The following PARD6B variants were observed in gnomAD, a reference collection of about 807,000 sequenced individuals.
The protein encoded by PARD6B is partitioning defective 6 homolog beta.
In PARD6B, 4 loss-of-function variants were observed where a neutral mutation model predicts 10.5. The ratio of observed to expected loss-of-function variants is 0.38; its 90% CI spans 0.19 to 0.87. The LOEUF (loss-of-function observed/expected upper bound fraction) is 0.87. Ranked by LOEUF, PARD6B falls within the 40% of genes least tolerant of loss-of-function variation. The probability of loss-of-function intolerance (pLI) is 0.41; values close to 1 mark genes in which losing one functional copy is unlikely to be tolerated. For missense variants in PARD6B, 396 were observed against 470.6 expected, an observed-to-expected ratio of 0.84 and a Z score of 1.47; for synonymous variants, 169 against 170.4, an observed-to-expected ratio of 0.99 and a Z score of 0.07.
intron 2 of PARD6B, among the ~76,000 whole-genome samples, chr20:50,742,508 A>G (rs1225982417): frequency 1.3e-5 from 2 of 151,502 alleles, no homozygotes; most frequent in Non-Finnish European, 2.9e-5. Context: ...TGGGACTACA[A>G]GCGTGTGCTA....
chr20:50,737,161 C>A (rs1279294710), intron 1 of PARD6B, among the ~76,000 whole-genome samples: 1 of 152,120 alleles, frequency 6.6e-6, no homozygotes, highest in East Asian at 1.9e-4. Flanking sequence ...CTCTTAATAC[C>A]TCCCTGAAGT....
At chr20:50,736,161 A>G (rs548505934) in intron 1 of PARD6B, among the ~76,000 whole-genome samples, 1 of 152,300 alleles carries the variant, frequency 6.6e-6, no homozygotes, top group South Asian at 2.1e-4. Flanking sequence ...GTGAGTTTTG[A>G]TGTTAAAACC....
intron 2 of PARD6B, among the ~76,000 whole-genome samples, chr20:50,747,522 C>A (rs1156466941): frequency 5.3e-5 from 6 of 112,318 alleles, no homozygotes; most frequent in Admixed American, 5.1e-4. Flanking sequence ...TGCCTAGCCA[C>A]TGGAAAACCA....
At chr20:50,739,192 A>G (rs1600815578) in intron 2 of PARD6B, among the ~76,000 whole-genome samples, 1 of 152,214 alleles carries the variant, frequency 6.6e-6, no homozygotes, top group Non-Finnish European at 1.5e-5. Context: ...CACGTGTGTA[A>G]TCCCAGCACT....
chr20:50,751,736 T>TTTTC lies in PARD6B; in HGVS notation c.*1251_*1252insCTTT, dbSNP rs2087611914. On this transcript the variant is annotated 3_prime_UTR_variant, in exon 3 of 3. Coordinates refer to ENST00000371610, the MANE Select transcript of PARD6B (RefSeq NM_032521.3). ...AAGCTGAGGAAGCTTTTTTTTTTTTTTTTTGAGACAGAGTCTCTGTCACCC... is the reference window on the plus strand; with the variant it reads ...AAGCTGAGGAAGCTTTTTTTTTTTTTTTTCTTTTGAGACAGAGTCTCTGTCACCC... 1.0e-6 allele frequency: 1 copy of TTTTC among 983,510 alleles called. No homozygotes were observed. Among genetic ancestry groups the TTTTC allele is most frequent in the African/African-American group, 1.8e-5 (1 of 56,688 alleles). 60.9% of individuals were successfully genotyped at this position (983,510 alleles called of 1,614,324 possible).
At chr20:50,747,489 CTTTTTTTTTTTTT>C (rs58629233) in intron 2 of PARD6B, among the ~76,000 whole-genome samples, 3 of 33,356 alleles carry the variant, frequency 9.0e-5, no homozygotes, top group Admixed American at 5.0e-4. Flanking sequence ...TTCTTTCTTT[CTTTTTTTTTTTTT>C]TTTTTTTTTT....
Position 50,731,586 on chromosome 20 carries a change from A to C in PARD6B, c.-201A>C, listed in dbSNP as rs2087470779. 4 of 441,908 alleles carry C rather than the reference A, an allele frequency of 9.1e-6. No homozygotes were observed. In the South Asian group the frequency reaches 1.8e-4, roughly 19 times the overall value. 27.4% of individuals were successfully genotyped at this position (441,908 alleles called of 1,614,324 possible). A position where few individuals can be genotyped will look rare whatever the true frequency, so the allele number is the denominator to read the frequency against. On this transcript the variant is annotated 5_prime_UTR_variant, in exon 1 of 3. Coordinates refer to ENST00000371610, the MANE Select transcript of PARD6B (RefSeq NM_032521.3). Reference sequence around the variant, plus strand: ...CCCCGCCTGCCGCGCCACCAGTCCGACCCTCGGTCCCGCCGTGTGAGCAGC... The same window carrying C: ...CCCCGCCTGCCGCGCCACCAGTCCGCCCCTCGGTCCCGCCGTGTGAGCAGC...
chr20:50,737,919 T>C lies in PARD6B; in HGVS notation c.129T>C (p.Phe43=), dbSNP rs1431140882. The change falls in exon 2 of 3, where the codon TTT becomes TTC. Residue 43 remains phenylalanine (F), a synonymous_variant. Coordinates refer to ENST00000371610, the MANE Select transcript of PARD6B (RefSeq NM_032521.3). ...ERSKPGKFEE[F]YGLLQHVHKI... Reference sequence around the variant, plus strand: ...CAAAACCTGGAAAATTTGAGGAGTTTTATGGATTACTACAACATGTTCATA... The same window carrying C: ...CAAAACCTGGAAAATTTGAGGAGTTCTATGGATTACTACAACATGTTCATA... The C allele has an allele frequency of 6.2e-7, 1 of 1,612,772 alleles. No homozygotes were observed. The highest frequency in any genetic ancestry group is 1.7e-5 in the Admixed American group (1 of 59,706).
intron 2 of PARD6B, among the ~76,000 whole-genome samples, chr20:50,743,782 G>A (rs977199402): frequency 3.3e-5 from 5 of 151,744 alleles, no homozygotes; most frequent in African/African-American, 4.8e-5. Flanking sequence ...CCAGCTACTC[G>A]GAAGGCTGAG....
chr20:50,753,130 G>T lies in PARD6B; in HGVS notation c.*2642G>T, dbSNP rs1331445208. 5 of 984,500 alleles carry T rather than the reference G, an allele frequency of 5.1e-6. No individual in the cohort carries two copies. The highest frequency in any genetic ancestry group is 6.0e-6 in the Non-Finnish European group (5 of 829,250). The allele number at this position is 984,500 out of a possible 1,614,324, so 61.0% of individuals were successfully genotyped here. On this transcript the variant is annotated 3_prime_UTR_variant, in exon 3 of 3. Transcript: ENST00000371610. Reference sequence around the variant, plus strand: ...CTTTTGGGGGAAAAACTACTTCAGGGCTTGACTTTTTGTACAAATTTTAAC... The same window carrying T: ...CTTTTGGGGGAAAAACTACTTCAGGTCTTGACTTTTTGTACAAATTTTAAC...
chr20:50,732,890 G>T (rs1204062927), intron 1 of PARD6B, among the ~76,000 whole-genome samples: 2 of 139,290 alleles, frequency 1.4e-5, no homozygotes, highest in Non-Finnish European at 3.1e-5. Flanking sequence ...GGAGAAAATT[G>T]AAAGTATATC....
In PARD6B at chr20:50,743,249, C is replaced by T. The variant is rs1249621733; in HGVS notation, c.289+5170C>T. On this transcript the variant is annotated intron_variant, in intron 2 of 2. Coordinates refer to ENST00000371610, the MANE Select transcript of PARD6B (RefSeq NM_032521.3). ...GATGTGCTACAGAACAGACCCCTCT[C>T]CAGATCTAGTCAGAATCTCTACATC... Among the ~76,000 whole-genome samples the T allele has an allele frequency of 2.0e-5, 3 of 152,336 alleles. No homozygotes were observed. In the South Asian group the frequency reaches 6.2e-4, roughly 32 times the overall value.
At chr20:50,742,283 A>G (rs1310443920) in intron 2 of PARD6B, among the ~76,000 whole-genome samples, 2 of 152,104 alleles carry the variant, frequency 1.3e-5, no homozygotes, top group Non-Finnish European at 2.9e-5. Flanking sequence ...ACCTCAAGTG[A>G]TCCGCCCACC....
rs941020659 is a variant in PARD6B, at chr20:50,752,990, T to G, written c.*2502T>G. The G allele has an allele frequency of 2.0e-6, 2 of 984,036 alleles. No individual in the cohort carries two copies. The highest frequency in any genetic ancestry group is 3.5e-5 in the African/African-American group (2 of 57,154). The allele number at this position is 984,036 out of a possible 1,614,324, so 61.0% of individuals were successfully genotyped here. ...CTTGAATGGCAAAATAATGTTAGTA[T>G]GTAGAAGGTTAACTTTCATTTATAA... is the stretch of plus-strand genomic sequence containing the variant. On this transcript the variant is annotated 3_prime_UTR_variant, in exon 3 of 3. Coordinates refer to ENST00000371610, the MANE Select transcript of PARD6B (RefSeq NM_032521.3).
chr20:50,751,603 C>G lies in PARD6B; in HGVS notation c.*1115C>G. Reference sequence around the variant, plus strand: ...CCTCCTGATCCGCCCGCCTCGGCCTCCCAAAGTGCTGGGATTACAGGCGTG... The same window carrying G: ...CCTCCTGATCCGCCCGCCTCGGCCTGCCAAAGTGCTGGGATTACAGGCGTG... On this transcript the variant is annotated 3_prime_UTR_variant, in exon 3 of 3. Coordinates refer to ENST00000371610, the MANE Select transcript of PARD6B (RefSeq NM_032521.3). The G allele has an allele frequency of 1.0e-6, 1 of 982,324 alleles. No homozygotes were observed. 60.9% of individuals were successfully genotyped at this position (982,324 alleles called of 1,614,324 possible). A position where few individuals can be genotyped will look rare whatever the true frequency, so the allele number is the denominator to read the frequency against.
chr20:50,740,112 G>A (rs1413757683), intron 2 of PARD6B, among the ~76,000 whole-genome samples: 1 of 152,196 alleles, frequency 6.6e-6, no homozygotes, highest in Non-Finnish European at 1.5e-5. Context: ...AGAAATGGTA[G>A]ACAAAAGTTC....
In PARD6B at chr20:50,749,939, A is replaced by G. The variant is rs1303496918; in HGVS notation, c.570A>G (p.Pro190=). The G allele has an allele frequency of 6.2e-7, 1 of 1,614,206 alleles. No homozygotes were observed. The part of the protein sequence containing the change: ...RVTPHGLEKV[P]GIFISRLVPG... The stretch of plus-strand genomic sequence containing the variant: ...CACCACATGGCTTAGAAAAGGTTCC[A>G]GGGATCTTTATATCCAGGCTTGTCC... Residue 190 remains proline (P), a synonymous_variant, in exon 3 of 3, where the codon CCA becomes CCG. Coordinates refer to ENST00000371610, the MANE Select transcript of PARD6B (RefSeq NM_032521.3).
Position 50,749,274 on chromosome 20 carries a change from C to T in PARD6B, c.290-385C>T, listed in dbSNP as rs571770143. On this transcript the variant is annotated intron_variant, in intron 2 of 2. Coordinates refer to ENST00000371610, the MANE Select transcript of PARD6B (RefSeq NM_032521.3). ...AGGAGAATTGCTTGAACCCGGGAGG[C>T]GGAGGTTGCAGTGAGCCGAGGTCAC... Among the ~76,000 whole-genome samples, 28 of 151,454 alleles carry T rather than the reference C, an allele frequency of 1.8e-4. 1 individual carries two copies. In the South Asian group the frequency reaches 3.5e-3, roughly 19 times the overall value.
Position 50,752,174 on chromosome 20 carries a change from C to G in PARD6B, c.*1686C>G, listed in dbSNP as rs76228262. 2.0e-3 allele frequency: 1,995 copies of G among 985,600 alleles called. 95 individuals are homozygous for G. The East Asian group carries it at 0.14, about 68-fold the overall frequency. 61.1% of individuals were successfully genotyped at this position (985,600 alleles called of 1,614,324 possible). ...CTCTCCTTTAACCTATTCTTGTTCC[C>G]ATTCCCAGTCTCATTTGAAATCATT... On this transcript the variant is annotated 3_prime_UTR_variant, in exon 3 of 3. Transcript: ENST00000371610.
Sources: allele counts gnomAD v4.1 joint callset (sites outside exome capture counted in the v4.1 genomes callset), GRCh38; gene constraint gnomAD v4.1.1; transcripts MANE v1.5; gene names NCBI Gene and HGNC (gene_info 2026-07-23, HGNC 2026-07-21).